The following UTRN variants were observed in gnomAD, a reference collection of about 807,000 sequenced individuals.
UTRN encodes the protein utrophin.
In UTRN, 283 loss-of-function variants were observed where a neutral mutation model predicts 463.9. The observed-to-expected ratio is 0.61, with a 90% CI of 0.55 to 0.67. The LOEUF is 0.67. UTRN is among the 30% of genes least tolerant of loss of function. UTRN has a pLI of 0.00. For synonymous variants in UTRN, 1,442 were observed against 1,431.5 expected (o/e 1.01, Z -0.17); for missense variants, 3,922 against 4,084.3 (o/e 0.96, Z 1.08).
At chr6:144,325,028 A>G (rs1171316073) in intron 2 of UTRN, among the ~76,000 whole-genome samples, 1 of 152,134 alleles carries the variant, frequency 6.6e-6, no homozygotes, top group Non-Finnish European at 1.5e-5. Context: ...GAGAACAGAG[A>G]TTTATATATT....
intron 51 of UTRN, among the ~76,000 whole-genome samples, chr6:144,618,345 A>T (rs1025672814): frequency 6.6e-6 from 1 of 152,146 alleles, no homozygotes; most frequent in African/African-American, 2.4e-5. Flanking sequence ...TGATGATACT[A>T]CTAAGTACAG....
intron 51 of UTRN, among the ~76,000 whole-genome samples, chr6:144,591,009 T>C (rs758314452): frequency 1.6e-4 from 25 of 152,176 alleles, no homozygotes; most frequent in Non-Finnish European, 3.1e-4. Context: ...TTACCACTAT[T>C]GGTAGGATTA....
chr6:144,524,499 T>C (rs1314902168), intron 41 of UTRN, among the ~76,000 whole-genome samples: 2 of 152,132 alleles, frequency 1.3e-5, no homozygotes, highest in African/African-American at 4.8e-5. Context: ...TTATTTTCAT[T>C]TTTAAATTTT....
intron 71 of UTRN, among the ~76,000 whole-genome samples, chr6:144,837,919 G>T (rs1781238792): frequency 2.0e-5 from 3 of 152,144 alleles, no homozygotes; most frequent in African/African-American, 7.2e-5. Flanking sequence ...CCAAGACGTG[G>T]GTTTCTTGAA....
chr6:144,449,019 C>T (rs761249767), intron 17 of UTRN, among the ~76,000 whole-genome samples: 2 of 152,090 alleles, frequency 1.3e-5, no homozygotes, highest in Non-Finnish European at 1.5e-5. Flanking sequence ...ACTTTGTGAT[C>T]GAAGCTTTCT....
chr6:144,346,577 T>C (rs934896412), intron 2 of UTRN, among the ~76,000 whole-genome samples: 2 of 152,172 alleles, frequency 1.3e-5, no homozygotes, highest in African/African-American at 2.4e-5. Context: ...TCCCAGCACT[T>C]TGGGAGCCCG....
rs760221600 is a variant in UTRN at position 144,542,839 on chromosome 6, G to A, written c.6564G>A (p.Glu2188=). The change falls in exon 46 of 75, where the codon GAG becomes GAA. Residue 2188 remains glutamate (E), a synonymous_variant. Transcript: ENST00000367545. ...VPTTLKECIQ[E]PSSVSQTRIA... ...CCACCCTGAAGGAATGCATCCAGGAGCCCAGTTCTGTTTCACAGACAAGGA... is the reference window on the plus strand; with the variant it reads ...CCACCCTGAAGGAATGCATCCAGGAACCCAGTTCTGTTTCACAGACAAGGA... The A allele has an allele frequency of 1.2e-6, 2 of 1,613,650 alleles. No individual in the cohort carries two copies. The highest frequency in any genetic ancestry group is 1.7e-6 in the Non-Finnish European group (2 of 1,179,854).
chr6:144,480,190 T>C (rs920907841), intron 26 of UTRN, among the ~76,000 whole-genome samples: 1 of 152,214 alleles, frequency 6.6e-6, no homozygotes, highest in African/African-American at 2.4e-5. Flanking sequence ...GCTTGGCCCA[T>C]GAGTTGAGTC....
intron 53 of UTRN, among the ~76,000 whole-genome samples, chr6:144,723,444 T>C (rs1787440026): frequency 6.6e-6 from 1 of 152,196 alleles, no homozygotes; most frequent in Non-Finnish European, 1.5e-5. Context: ...ATTTATTGAG[T>C]GCTTTCTATA....
At chr6:144,640,648 T>C (rs1176041650) in intron 51 of UTRN, among the ~76,000 whole-genome samples, 5 of 152,188 alleles carry the variant, frequency 3.3e-5, no homozygotes, top group Non-Finnish European at 7.4e-5. Context: ...TCTGATCTCA[T>C]GAAAATTGCT....
intron 2 of UTRN, among the ~76,000 whole-genome samples, chr6:144,392,737 C>G (rs1782048413): frequency 6.6e-6 from 1 of 152,156 alleles, no homozygotes; most frequent in African/African-American, 2.4e-5. Context: ...TTACTGTGAT[C>G]TTGGCAAGCT....
intron 51 of UTRN, among the ~76,000 whole-genome samples, chr6:144,676,088 T>C (rs1029700631): frequency 2.6e-5 from 4 of 152,058 alleles, no homozygotes; most frequent in African/African-American, 9.7e-5. Context: ...ATACTAGATA[T>C]AAATAAATTA....
intron 3 of UTRN, among the ~76,000 whole-genome samples, chr6:144,413,663 T>C (rs1784112072): frequency 6.6e-6 from 1 of 152,224 alleles, no homozygotes; most frequent in Non-Finnish European, 1.5e-5. Context: ...TTTGTGGTGA[T>C]GCTGTTGTAA....
intron 34 of UTRN, among the ~76,000 whole-genome samples, chr6:144,500,540 G>T (rs183358166): frequency 1.3e-5 from 2 of 152,092 alleles, no homozygotes; most frequent in Non-Finnish European, 1.5e-5. Context: ...GGCCTTTATA[G>T]GTATTATTTT....
chr6:144,357,557 A>G (rs73780540), intron 2 of UTRN, among the ~76,000 whole-genome samples: 5,211 of 152,296 alleles, frequency 0.034, 233 homozygotes, highest in East Asian at 0.11. Context: ...TATGGTATCC[A>G]TTTTCCTATT....
intron 2 of UTRN, among the ~76,000 whole-genome samples, chr6:144,379,788 T>G (rs1780751917): frequency 6.6e-6 from 1 of 152,338 alleles, no homozygotes; most frequent in South Asian, 2.1e-4. Flanking sequence ...GGGCTGGAAA[T>G]AAGACATTAG....
At chr6:144,366,573 C>T (rs1053053745) in intron 2 of UTRN, among the ~76,000 whole-genome samples, 3 of 152,220 alleles carry the variant, frequency 2.0e-5, no homozygotes, top group African/African-American at 7.2e-5. Flanking sequence ...CTGCAAATAA[C>T]ATGATCTCAT....
chr6:144,519,452 A>G (rs1176784701), intron 39 of UTRN, among the ~76,000 whole-genome samples: 1 of 152,180 alleles, frequency 6.6e-6, no homozygotes, highest in Non-Finnish European at 1.5e-5. Flanking sequence ...AATCTTTGCT[A>G]TATGATGTGA....
chr6:144,448,303 C>T (rs926676931), intron 16 of UTRN, among the ~76,000 whole-genome samples: 7 of 152,138 alleles, frequency 4.6e-5, no homozygotes, highest in African/African-American at 9.7e-5. Flanking sequence ...AGATTATATA[C>T]GCTATGATTC....
Sources: gnomAD v4.1 joint callset for allele counts (sites outside exome capture counted in the v4.1 genomes callset) on GRCh38, gnomAD v4.1.1 for gene constraint, MANE v1.5 for transcripts, NCBI Gene and HGNC (gene_info 2026-07-23, HGNC 2026-07-21) for gene names.